The following PRKCE variants were observed in gnomAD, a reference collection of about 807,000 sequenced individuals.
PRKCE encodes the protein protein kinase C epsilon.
A neutral mutation model predicts 85.4 loss-of-function variants in PRKCE; 16 were observed. The ratio of observed to expected loss-of-function variants is 0.19; its 90% CI spans 0.13 to 0.28. The LOEUF (loss-of-function observed/expected upper bound fraction) is 0.28. PRKCE is among the 10% of genes least tolerant of loss of function. The pLI, the probability that PRKCE is intolerant of heterozygous loss-of-function variation, is 1.00. For synonymous variants in PRKCE, 388 were observed against 371.5 expected (o/e 1.04, Z -0.51); for missense variants, 573 against 975.2 (o/e 0.59, Z 5.49).
At chr2:45,751,872 C>T (rs981197399) in intron 1 of PRKCE, among the ~76,000 whole-genome samples, 1 of 121,360 alleles carries the variant, frequency 8.2e-6, no homozygotes, top group Admixed American at 1.0e-4. Context: ...GGCTGGAGTG[C>T]AGTGGCGGGA....
intron 1 of PRKCE, among the ~76,000 whole-genome samples, chr2:45,817,174 G>A (rs1689132454): frequency 6.6e-6 from 1 of 151,670 alleles, no homozygotes; most frequent in Non-Finnish European, 1.5e-5. Context: ...AGCCCTGCCT[G>A]CAACCCTAGG....
chr2:46,145,182 G>T lies in PRKCE; in HGVS notation c.1682G>T (p.Gly561Val), dbSNP rs1451501804. The change falls in exon 12 of 15, where the codon GGT (glycine) becomes GTT (valine). Residue 561 changes from glycine (G) to valine (V), a missense_variant. Coordinates refer to ENST00000306156, the MANE Select transcript of PRKCE (RefSeq NM_005400.3). The surrounding 1 kb of genome is among the most constrained non-coding windows in gnomAD (Gnocchi z 4.6). ...ATGTGCAAGGAAGGGATTCTGAATGGTGTGACGACCACCACGTTCTGTGGG... is the reference window on the plus strand; with the variant it reads ...ATGTGCAAGGAAGGGATTCTGAATGTTGTGACGACCACCACGTTCTGTGGG... The part of the protein sequence containing the change: ...FGMCKEGILN[G>V]VTTTTFCGTP... 6.3e-7 allele frequency: 1 copy of T among 1,599,630 alleles called. No individual in the cohort carries two copies. The highest frequency in any genetic ancestry group is 1.3e-5 in the African/African-American group (1 of 74,922).
At chr2:45,769,370 C>T (rs1181220279) in intron 1 of PRKCE, among the ~76,000 whole-genome samples, 1 of 152,066 alleles carries the variant, frequency 6.6e-6, no homozygotes, top group East Asian at 1.9e-4. Flanking sequence ...AGTCATGCTG[C>T]CTCCCTTTGG....
At chr2:46,061,457 C>T (rs975142368) in intron 10 of PRKCE, among the ~76,000 whole-genome samples, 1 of 151,912 alleles carries the variant, frequency 6.6e-6, no homozygotes, top group Non-Finnish European at 1.5e-5. Context: ...ATTTAGTTAT[C>T]GTTGTTTTCT....
chr2:46,093,508 A>G (rs928201696), intron 11 of PRKCE, among the ~76,000 whole-genome samples: 2 of 149,870 alleles, frequency 1.3e-5, no homozygotes, highest in Non-Finnish European at 3.0e-5. Context: ...ATTTAGAAAT[A>G]ACATTATCTT....
At chr2:45,684,366 G>C (rs892235146) in intron 1 of PRKCE, among the ~76,000 whole-genome samples, 12 of 152,194 alleles carry the variant, frequency 7.9e-5, no homozygotes, top group Admixed American at 6.5e-5. Context: ...GGGAGGATCA[G>C]GGCTATTTCA....
intron 11 of PRKCE, among the ~76,000 whole-genome samples, chr2:46,110,375 T>C (rs1297493902): frequency 6.6e-6 from 1 of 152,172 alleles, no homozygotes; most frequent in East Asian, 1.9e-4. Flanking sequence ...CTTTAATAAG[T>C]AGAGGCCTAT....
intron 10 of PRKCE, among the ~76,000 whole-genome samples, chr2:46,016,285 C>T (rs1706137077): frequency 6.6e-6 from 1 of 152,136 alleles, no homozygotes. Context: ...GGGGTAAGCT[C>T]TACTCTCTTG....
chr2:45,759,641 C>G (rs2104812446), intron 1 of PRKCE, among the ~76,000 whole-genome samples: 1 of 152,304 alleles, frequency 6.6e-6, no homozygotes, highest in African/African-American at 2.4e-5. Flanking sequence ...AGTTATTACA[C>G]TCTTTGATGT....
Position 46,004,612 on chromosome 2 carries a change from C to A in PRKCE, c.1037C>A (p.Ser346Ter). ...CCATCTGAGGAAGATCGATCCAAGT[C>A]AGCACCCACCTCCCCTTGTGACCAG... ...SSPSEEDRSK[S>*]APTSPCDQEI... The change falls in exon 8 of 15, where the codon TCA becomes TAA. Residue 346 changes from serine to a stop codon, truncating the protein, a stop_gained. Transcript: ENST00000306156. LOFTEE classifies it high-confidence loss of function. The surrounding 1 kb of genome is among the most constrained non-coding windows in gnomAD (Gnocchi z 4.1). 3 of 1,589,802 alleles carry A rather than the reference C, an allele frequency of 1.9e-6. No individual in the cohort carries two copies. In the South Asian group the frequency reaches 3.4e-5, roughly 18 times the overall value.
intron 10 of PRKCE, among the ~76,000 whole-genome samples, chr2:46,062,327 G>T (rs925323445): frequency 6.6e-6 from 1 of 152,198 alleles, no homozygotes; most frequent in Non-Finnish European, 1.5e-5. Flanking sequence ...GAGGTCGTTT[G>T]TGTGTTCTGG....
intron 2 of PRKCE, among the ~76,000 whole-genome samples, chr2:45,936,829 C>T (rs1699496837): frequency 6.6e-6 from 1 of 152,148 alleles, no homozygotes; most frequent in Admixed American, 6.5e-5. Context: ...GAGAGACTTC[C>T]TCCAATCCAC....
chr2:45,722,222 A>AT (rs1382448152), intron 1 of PRKCE, among the ~76,000 whole-genome samples: 2 of 152,100 alleles, frequency 1.3e-5, no homozygotes, highest in Admixed American at 6.6e-5. Context: ...TCTCTTTTTA[A>AT]TTTTTTAATT....
At chr2:45,796,726 T>C (rs1454982697) in intron 1 of PRKCE, among the ~76,000 whole-genome samples, 1 of 152,164 alleles carries the variant, frequency 6.6e-6, no homozygotes, top group Non-Finnish European at 1.5e-5. Context: ...TGTGCATTTT[T>C]CCCAGAGCCC....
intron 1 of PRKCE, among the ~76,000 whole-genome samples, chr2:45,782,982 T>A (rs1456340487): frequency 6.6e-6 from 1 of 152,200 alleles, no homozygotes; most frequent in Non-Finnish European, 1.5e-5. Flanking sequence ...ATTACTTTTT[T>A]GTCCTGATGA....
intron 1 of PRKCE, among the ~76,000 whole-genome samples, chr2:45,781,953 G>A (rs1298844615): frequency 2.0e-5 from 3 of 152,146 alleles, no homozygotes; most frequent in African/African-American, 7.2e-5. Flanking sequence ...ATCCTAGACA[G>A]GTTACATCCT....
intron 1 of PRKCE, among the ~76,000 whole-genome samples, chr2:45,839,307 C>G (rs748366319): frequency 6.6e-6 from 1 of 152,132 alleles, no homozygotes; most frequent in Non-Finnish European, 1.5e-5. Context: ...TGATTTGACA[C>G]CAAAGTCTGT....
At chr2:46,171,603 G>A (rs4952806) in intron 14 of PRKCE, among the ~76,000 whole-genome samples, 4,588 of 152,266 alleles carry the variant, frequency 0.03, 84 homozygotes, top group East Asian at 0.078. Context: ...CAGCCTGCCT[G>A]TTAGACAAGA....
intron 1 of PRKCE, among the ~76,000 whole-genome samples, chr2:45,714,322 C>G (rs1425118939): frequency 6.6e-6 from 1 of 152,160 alleles, no homozygotes; most frequent in Non-Finnish European, 1.5e-5. Context: ...CAGGGAAGGA[C>G]TGTCCTACAA....
Sources: allele counts gnomAD v4.1 joint callset (sites outside exome capture counted in the v4.1 genomes callset), GRCh38; gene constraint gnomAD v4.1.1; non-coding constraint Gnocchi (gnomAD v3.1); transcripts MANE v1.5; gene names NCBI Gene and HGNC (gene_info 2026-07-23, HGNC 2026-07-21).